The following PTPRN2 variants were observed in gnomAD, a reference collection of about 807,000 sequenced individuals.
PTPRN2 encodes protein tyrosine phosphatase receptor type N2.
Under a neutral mutation model 118.8 loss-of-function variants are expected in PTPRN2, and 74 were observed. That is an observed-to-expected ratio of 0.62 (90% CI 0.52 to 0.76). The LOEUF (loss-of-function observed/expected upper bound fraction) is 0.76, where lower values mean the gene tolerates loss of function less well. PTPRN2 is among the 30% of genes least tolerant of loss of function. The pLI is 0.00. For synonymous variants in PTPRN2, 641 were observed against 608.0 expected (o/e 1.05, Z -0.80); for missense variants, 1,481 against 1,394.4 (o/e 1.06, Z -0.99).
At position 157,974,890 on chromosome 7, in the gene PTPRN2, C is replaced by A. The variant is rs1802622882; in HGVS notation, c.1724-76153G>T. On this transcript the variant is annotated intron_variant, in intron 11 of 22. Transcript: ENST00000389418. This position sits in a 1 kb window ranked among gnomAD's most constrained non-coding sequence, Gnocchi z 4.0. ...CCACGTCCATCCCCAGCCCCTCAGG[C>A]ATGTTCACCATCATGGCGCACATGT... Among the ~76,000 whole-genome samples, 1 of 152,092 alleles carries A rather than the reference C, an allele frequency of 6.6e-6. No homozygotes were observed. Among genetic ancestry groups the A allele is most frequent in the Admixed American group, 6.5e-5 (1 of 15,282 alleles).
At chr7:158,070,362 TGG>T (rs1811143287) in intron 11 of PTPRN2, among the ~76,000 whole-genome samples, 2 of 136,128 alleles carry the variant, frequency 1.5e-5, no homozygotes, top group Non-Finnish European at 3.1e-5. Context: ...GAGGTGCCCC[TGG>T]TGGTGGAGGT....
At chr7:158,144,165 G>T (rs944490410) in intron 6 of PTPRN2, among the ~76,000 whole-genome samples, 2 of 152,200 alleles carry the variant, frequency 1.3e-5, no homozygotes, top group African/African-American at 4.8e-5. Flanking sequence ...TCTCAATAAA[G>T]AAGGTTAAAT....
intron 21 of PTPRN2, among the ~76,000 whole-genome samples, chr7:157,564,843 A>G (rs1302082947): frequency 1.3e-5 from 2 of 152,228 alleles, no homozygotes; most frequent in African/African-American, 2.4e-5. Context: ...GTGGGTGGAC[A>G]CCCTCACATC....
At position 157,949,043 on chromosome 7, in the gene PTPRN2, CG is replaced by C. The variant is rs1295776522; in HGVS notation, c.1724-50307del. Among the ~76,000 whole-genome samples the C allele has an allele frequency of 2.0e-5, 3 of 152,142 alleles. No homozygotes were observed. The East Asian group carries it at 5.8e-4, about 29-fold the overall frequency. Reference sequence around the variant, plus strand: ...GAATTTTGGTACACATTGCAGGGGGCGGGTGTCTTAGAACCAATCATCTGCA... The same window carrying C: ...GAATTTTGGTACACATTGCAGGGGGCGGTGTCTTAGAACCAATCATCTGCA... On this transcript the variant is annotated intron_variant, in intron 11 of 22. Transcript: ENST00000389418.
chr7:158,404,830 C>T (rs1403919718), intron 2 of PTPRN2, among the ~76,000 whole-genome samples: 4 of 136,738 alleles, frequency 2.9e-5, no homozygotes, highest in South Asian at 2.6e-4. Context: ...CCCCAGCTCC[C>T]CGGCCCCAGC....
intron 1 of PTPRN2, among the ~76,000 whole-genome samples, chr7:158,495,593 C>A (rs1276529175): frequency 3.9e-5 from 6 of 152,126 alleles, no homozygotes; most frequent in African/African-American, 1.4e-4. Context: ...ACCCTTGGGA[C>A]CAAGGAGTCC....
intron 11 of PTPRN2, among the ~76,000 whole-genome samples, chr7:158,048,787 C>T (rs1585269730): frequency 2.9e-5 from 1 of 35,032 alleles, no homozygotes; most frequent in African/African-American, 1.1e-4. Context: ...CACTATCATC[C>T]CACCACTACC....
rs1317928279 is a variant in PTPRN2, at chr7:157,986,388, C to T, written c.1724-87651G>A. Among the ~76,000 whole-genome samples the T allele has an allele frequency of 5.9e-5, 9 of 152,286 alleles. No individual in the cohort carries two copies. The East Asian group carries it at 1.4e-3, about 23-fold the overall frequency. ...TAGTCCAATTGCTTCCTTGTAGACA[C>T]GCAGAAACTGACGCCCAGAGAGGCA... On this transcript the variant is annotated intron_variant, in intron 11 of 22. Transcript: ENST00000389418. The surrounding 1 kb of genome is among the most constrained non-coding windows in gnomAD (Gnocchi z 4.5).
intron 3 of PTPRN2, among the ~76,000 whole-genome samples, chr7:158,273,611 C>CAG (rs1374491700): frequency 2.1e-5 from 1 of 47,866 alleles, no homozygotes; most frequent in Admixed American, 2.5e-4. Context: ...GCCGCAGACA[C>CAG]GGGGAGCCGC....
intron 6 of PTPRN2, among the ~76,000 whole-genome samples, chr7:158,142,109 C>T (rs1819442913): frequency 6.6e-6 from 1 of 152,228 alleles, no homozygotes; most frequent in Non-Finnish European, 1.5e-5. Context: ...CCTGCTGACC[C>T]TGGGGGCTGC....
At chr7:158,254,809 C>T (rs1796920256) in intron 3 of PTPRN2, among the ~76,000 whole-genome samples, 1 of 152,266 alleles carries the variant, frequency 6.6e-6, no homozygotes, top group African/African-American at 2.4e-5. Flanking sequence ...CTACGACAGT[C>T]ATCTTTGCAC....
intron 2 of PTPRN2, among the ~76,000 whole-genome samples, chr7:158,489,176 T>C (rs117359806): frequency 0.19 from 29,169 of 152,242 alleles, 3,294 homozygotes; most frequent in East Asian, 0.41. Flanking sequence ...CCGGGCGCGG[T>C]GACTCACGCC....
intron 10 of PTPRN2, among the ~76,000 whole-genome samples, chr7:158,100,003 G>T (rs116175837): frequency 6.6e-6 from 1 of 151,398 alleles, no homozygotes; most frequent in Non-Finnish European, 1.5e-5. Flanking sequence ...GTTCTCTAAT[G>T]GTGATGTGTG....
intron 14 of PTPRN2, among the ~76,000 whole-genome samples, chr7:157,645,867 G>C (rs1425730446): frequency 1.3e-5 from 2 of 152,196 alleles, no homozygotes; most frequent in Non-Finnish European, 2.9e-5. Flanking sequence ...AACCAGCCCG[G>C]GACTTGCTTG....
At chr7:158,142,411 C>CT (rs1819476526) in intron 6 of PTPRN2, among the ~76,000 whole-genome samples, 1 of 152,244 alleles carries the variant, frequency 6.6e-6, no homozygotes, top group African/African-American at 2.4e-5. Flanking sequence ...ATGGCGTGGC[C>CT]TGCCCCCTCC....
At chr7:158,393,328 A>G (rs1054051467) in intron 2 of PTPRN2, among the ~76,000 whole-genome samples, 2 of 152,230 alleles carry the variant, frequency 1.3e-5, no homozygotes, top group Non-Finnish European at 2.9e-5. Context: ...TGCCACGAAC[A>G]CTGAAGGAAA....
At position 158,509,050 on chromosome 7, in the gene PTPRN2, A is replaced by G. The variant is rs1822987997; in HGVS notation, c.113-19265T>C. On this transcript the variant is annotated intron_variant, in intron 1 of 22. Transcript: ENST00000389418. This position sits in a 1 kb window ranked among gnomAD's most constrained non-coding sequence, Gnocchi z 4.4. ...CAGAGGTGGAAGCTGATGCGGGTGG[A>G]GGTGGGTGGTTTCTAAAGATAAGAA... Among the ~76,000 whole-genome samples, 1 of 151,568 alleles carries G rather than the reference A, an allele frequency of 6.6e-6. No homozygotes were observed. The highest frequency in any genetic ancestry group is 1.5e-5 in the Non-Finnish European group (1 of 67,900).
At chr7:158,228,799 A>C (rs1215005898) in intron 3 of PTPRN2, among the ~76,000 whole-genome samples, 1 of 152,014 alleles carries the variant, frequency 6.6e-6, no homozygotes, top group Non-Finnish European at 1.5e-5. Context: ...AGCTTCTCCA[A>C]CCTCTTGGGG....
At chr7:158,273,470 C>CCGCAGACAGA (rs1798664229) in intron 3 of PTPRN2, among the ~76,000 whole-genome samples, 1 of 127,094 alleles carries the variant, frequency 7.9e-6, no homozygotes, top group African/African-American at 4.3e-5. Flanking sequence ...GCAGGGGGAG[C>CCGCAGACAGA]CGCAGGCACA....
Sources: allele counts gnomAD v4.1 joint callset (sites outside exome capture counted in the v4.1 genomes callset), GRCh38; gene constraint gnomAD v4.1.1; non-coding constraint Gnocchi (gnomAD v3.1); transcripts MANE v1.5; gene names NCBI Gene and HGNC (gene_info 2026-07-23, HGNC 2026-07-21).